DACH2: variants seen among roughly 807,000 people sequenced by gnomAD.
The protein encoded by DACH2 is dachshund homolog 2.
A neutral mutation model predicts 35.8 loss-of-function variants in DACH2; 17 were observed. The ratio of observed to expected loss-of-function variants is 0.48; its 90% CI spans 0.33 to 0.71. DACH2 has a LOEUF of 0.71. DACH2 is among the 30% of genes least tolerant of loss of function. DACH2 has a pLI of 0.02. For synonymous variants in DACH2, 195 were observed against 177.3 expected (o/e 1.10, Z -0.79); for missense variants, 469 against 472.7 (o/e 0.99, Z 0.07).
At chrX:86,335,302 A>T (rs909945137) in intron 1 of DACH2, among the ~76,000 whole-genome samples, 8 of 111,752 alleles carry the variant, frequency 7.2e-5, no homozygotes, top group Non-Finnish European at 1.3e-4. Context: ...ACTCAATGGT[A>T]GCTTGATGGG....
intron 3 of DACH2, among the ~76,000 whole-genome samples, chrX:86,597,506 T>C (rs2039727721): frequency 8.9e-6 from 1 of 111,986 alleles, no homozygotes. Context: ...AAATTAGTTC[T>C]ACTGTGGTCA....
chrX:86,790,359 T>C (rs2042175776), intron 7 of DACH2, among the ~76,000 whole-genome samples: 1 of 112,049 alleles, frequency 8.9e-6, no homozygotes, highest in Non-Finnish European at 1.9e-5. Flanking sequence ...ATATTTGTTG[T>C]ATGTAATAAA....
intron 3 of DACH2, among the ~76,000 whole-genome samples, chrX:86,550,862 G>A (rs2039039286): frequency 1.8e-5 from 2 of 111,899 alleles, no homozygotes; most frequent in South Asian, 7.4e-4. Context: ...CCTGATAAAT[G>A]TAATTCCTAA....
chrX:86,578,200 G>A (rs987842799), intron 3 of DACH2, among the ~76,000 whole-genome samples: 1 of 111,072 alleles, frequency 9.0e-6, no homozygotes, highest in Admixed American at 9.6e-5. Flanking sequence ...CATTAAATTG[G>A]AGGAAATTCA....
intron 1 of DACH2, among the ~76,000 whole-genome samples, chrX:86,209,611 A>G (rs1222694831): frequency 9.0e-6 from 1 of 110,872 alleles, no homozygotes; most frequent in Non-Finnish European, 1.9e-5. Flanking sequence ...TCAATGCATA[A>G]TTTCCATCCC....
At chrX:86,685,882 C>T (rs754091835) in intron 4 of DACH2, among the ~76,000 whole-genome samples, 15 of 111,479 alleles carry the variant, frequency 1.3e-4, no homozygotes, top group Non-Finnish European at 2.1e-4. Flanking sequence ...CAGGCCCCAC[C>T]TCCAGCATTC....
intron 2 of DACH2, among the ~76,000 whole-genome samples, chrX:86,417,811 A>G (rs1192112756): frequency 2.7e-5 from 3 of 111,553 alleles, no homozygotes; most frequent in African/African-American, 9.8e-5. Flanking sequence ...TTCAGAATTA[A>G]ATGAGTTAAT....
At chrX:86,673,599 G>A in intron 4 of DACH2, among the ~76,000 whole-genome samples, 1 of 111,309 alleles carries the variant, frequency 9.0e-6, no homozygotes, top group East Asian at 2.9e-4. Context: ...GTGGAATTTT[G>A]AGTTAATGCT....
At chrX:86,341,700 A>T (rs2148061392) in intron 1 of DACH2, among the ~76,000 whole-genome samples, 1 of 112,529 alleles carries the variant, frequency 8.9e-6, no homozygotes, top group South Asian at 3.7e-4. Context: ...TCACCATTCT[A>T]GTTGCCTTTA....
chrX:86,668,686 T>A (rs1332004496), intron 4 of DACH2, among the ~76,000 whole-genome samples: 4 of 111,654 alleles, frequency 3.6e-5, no homozygotes, highest in Non-Finnish European at 7.5e-5. Flanking sequence ...ACAAGAGATG[T>A]GTACAAGAAA....
chrX:86,682,918 C>G (rs2040898629), intron 4 of DACH2, among the ~76,000 whole-genome samples: 1 of 110,970 alleles, frequency 9.0e-6, no homozygotes, highest in African/African-American at 3.3e-5. Flanking sequence ...ATTATTCAGT[C>G]TAATGCCTCA....
At chrX:86,485,560 T>C (rs1055756761) in intron 2 of DACH2, among the ~76,000 whole-genome samples, 2 of 111,812 alleles carry the variant, frequency 1.8e-5, no homozygotes, top group African/African-American at 3.2e-5. Context: ...GTGATAAATA[T>C]GGCAATTACT....
intron 3 of DACH2, among the ~76,000 whole-genome samples, chrX:86,636,579 T>C (rs7892618): frequency 0.011 from 1,243 of 111,571 alleles, 19 homozygotes; most frequent in African/African-American, 0.038. Flanking sequence ...ACCTGATCTT[T>C]GACAACACTG....
intron 5 of DACH2, among the ~76,000 whole-genome samples, chrX:86,710,236 G>A (rs1329151302): frequency 8.9e-6 from 1 of 112,071 alleles, no homozygotes; most frequent in East Asian, 2.8e-4. Flanking sequence ...ACCTTAAGCG[G>A]AAATTGCTAA....
intron 1 of DACH2, among the ~76,000 whole-genome samples, chrX:86,216,202 C>A (rs1360137167): frequency 1.8e-5 from 2 of 111,840 alleles, no homozygotes; most frequent in African/African-American, 6.5e-5. Context: ...CAAATATTAG[C>A]ATGGAGATAT....
At chrX:86,266,574 A>C in intron 1 of DACH2, among the ~76,000 whole-genome samples, 1 of 111,568 alleles carries the variant, frequency 9.0e-6, no homozygotes, top group Non-Finnish European at 1.9e-5. Flanking sequence ...ATTGCATGCA[A>C]ATTTGTAGCT....
rs1055092160 is a variant in DACH2, at chrX:86,280,369, G to A, written c.489-96455G>A. On this transcript the variant is annotated intron_variant, in intron 1 of 11. Coordinates refer to ENST00000373125, the MANE Select transcript of DACH2 (RefSeq NM_053281.3). ...ACCCGAACTAAGCTTCATAAGCAAA[G>A]GAGAAATAAAATCCTTTCCAGACAA... Among the ~76,000 whole-genome samples the A allele has an allele frequency of 3.6e-5, 4 of 111,779 alleles. No individual in the cohort carries two copies. In the Admixed American group the frequency reaches 3.8e-4, roughly 11 times the overall value.
At chrX:86,686,483 G>A (rs1216255021) in intron 4 of DACH2, among the ~76,000 whole-genome samples, 5 of 110,133 alleles carry the variant, frequency 4.5e-5, no homozygotes, top group East Asian at 2.9e-4. Context: ...CACCCGCCTC[G>A]GCCTCCCAAA....
At chrX:86,184,367 C>A in intron 1 of DACH2, 1 of 132,741 alleles carries the variant, frequency 7.5e-6, no homozygotes, top group Non-Finnish European at 1.5e-5. Context: ...GCCACCATGC[C>A]TGGCTAATTT....
Sources: allele counts gnomAD v4.1 joint callset (sites outside exome capture counted in the v4.1 genomes callset), GRCh38; gene constraint gnomAD v4.1.1; transcripts MANE v1.5; gene names NCBI Gene and HGNC (gene_info 2026-07-23, HGNC 2026-07-21).